Variants in MIIP observed in about 807,000 individuals in gnomAD.
MIIP encodes migration and invasion inhibitory protein.
A neutral mutation model predicts 44.8 loss-of-function variants in MIIP; 44 were observed. The ratio of observed to expected loss-of-function variants is 0.98; its 90% CI spans 0.77 to 1.26. The LOEUF (loss-of-function observed/expected upper bound fraction) is 1.26. Among genes scored for constraint, MIIP ranks in the 50% most tolerant of loss-of-function variants. The pLI, the probability that MIIP is intolerant of heterozygous loss-of-function variation, is 0.00. For missense variants in MIIP, 496 were observed against 511.7 expected, an observed-to-expected ratio of 0.97 and a Z score of 0.30; for synonymous variants, 225 against 218.3, an observed-to-expected ratio of 1.03 and a Z score of -0.27.
chr1:12,029,628 G>T, intron 6 of MIIP, 137 bp from the exon 7 acceptor site: 3 of 1,254,106 alleles, frequency 2.4e-6, no homozygotes, highest in Non-Finnish European at 3.3e-6. Flanking sequence ...GAGGAAAGGG[G>T]TTAGGAGGAA....
At position 12,031,787 on chromosome 1, in the gene MIIP, C is replaced by G. The variant is rs773547396; in HGVS notation, c.1146C>G (p.His382Gln). 1 of 1,613,932 alleles carries G rather than the reference C, an allele frequency of 6.2e-7. No individual in the cohort carries two copies. The highest frequency in any genetic ancestry group is 2.2e-5 in the East Asian group (1 of 44,876). ...TWSVPQVPRPHVPRQKP is the reference protein window; with the variant it reads ...TWSVPQVPRPQVPRQKP ...CAGTGCCCCAGGTCCCTCGGCCCCA[C>G]GTCCCACGGCAGAAGCCCTGAGGAC... The change falls in exon 10 of 10, where the codon CAC becomes CAG. Residue 382 changes from histidine (H) to glutamine (Q), a missense_variant. Coordinates refer to ENST00000235332, the MANE Select transcript of MIIP (RefSeq NM_021933.4).
At chr1:12,022,786 C>A in intron 3 of MIIP, 47 bp from the exon 4 acceptor site, 1 of 1,455,122 alleles carries the variant, frequency 6.9e-7, no homozygotes. Context: ...TTCCTCTGGG[C>A]CAGGCCTCTT....
Position 12,030,072 on chromosome 1 carries a change from A to G in MIIP, c.890A>G (p.His297Arg), listed in dbSNP as rs1190734857. The G allele has an allele frequency of 1.2e-6, 2 of 1,613,438 alleles. No individual in the cohort carries two copies. Among genetic ancestry groups the G allele is most frequent in the Non-Finnish European group, 1.7e-6 (2 of 1,179,934 alleles). The change falls in exon 8 of 10, where the codon CAC (histidine) becomes CGC (arginine). Residue 297 changes from histidine (H) to arginine (R), a missense_variant. Physicochemically the swap from His to Arg is conservative, Grantham distance 29 (BLOSUM62 0). Coordinates refer to ENST00000235332, the MANE Select transcript of MIIP (RefSeq NM_021933.4). Reference sequence around the variant, plus strand: ...ATCCTGGAGCCCCCGCACCGGTACCACATCCACCGGCGAAAGAGCTTTGAC... The same window carrying G: ...ATCCTGGAGCCCCCGCACCGGTACCGCATCCACCGGCGAAAGAGCTTTGAC... ...LSILEPPHRY[H>R]IHRRKSFDAS...
At chr1:12,031,576 C>T (rs1264326875) in intron 9 of MIIP, 146 bp from the exon 10 acceptor site, 3 of 1,597,844 alleles carry the variant, frequency 1.9e-6, no homozygotes, top group Admixed American at 1.7e-5. Flanking sequence ...AGCCATCCCT[C>T]GGAACTCCTC....
rs548482438 is a variant in MIIP, at chr1:12,031,711, T to G, written c.1081-11T>G. ...AGTGGCCCCCCTGAGACTTCCCTATTCCCCATCCAGGCCTCACCAATGCAG... is the reference window on the plus strand; with the variant it reads ...AGTGGCCCCCCTGAGACTTCCCTATGCCCCATCCAGGCCTCACCAATGCAG... On this transcript the variant is annotated splice_polypyrimidine_tract_variant and intron_variant, in intron 9 of 9. Transcript: ENST00000235332. 1.2e-5 allele frequency: 20 copies of G among 1,613,860 alleles called. No individual in the cohort carries two copies. The South Asian group carries it at 2.2e-4, about 18-fold the overall frequency.
At chr1:12,030,556 CT>C (rs71568383) in intron 8 of MIIP, among the ~76,000 whole-genome samples, 42 of 59,078 alleles carry the variant, frequency 7.1e-4, no homozygotes, top group East Asian at 2.1e-3. Context: ...GCTGCTGCTG[CT>C]TTTTTTTTTT....
In MIIP at chr1:12,022,131, A is replaced by G. The variant is rs767762811; in HGVS notation, c.151A>G (p.Thr51Ala). 1 of 1,613,310 alleles carries G rather than the reference A, an allele frequency of 6.2e-7. No individual in the cohort carries two copies. Residue 51 changes from threonine (T) to alanine (A), a missense_variant, in exon 3 of 10, where the codon ACT becomes GCT. Transcript: ENST00000235332. ...ATCCAGCAGCAGCTACAACTCAGAG[A>G]CTCCATCGACCCCAGAGACGTCCTC... The part of the protein sequence containing the change: ...LESSSSYNSE[T>A]PSTPETSSTS...
intron 2 of MIIP, 91 bp downstream of exon 2, chr1:12,021,931 C>T (rs764547530): frequency 4.2e-4 from 525 of 1,252,640 alleles, no homozygotes; most frequent in Non-Finnish European, 5.3e-4. Context: ...TTCAATACAC[C>T]CATTTTACTG....
chr1:12,021,863 C>A, intron 2 of MIIP, 23 bp downstream of exon 2: 2 of 1,567,644 alleles, frequency 1.3e-6, no homozygotes, highest in East Asian at 2.3e-5. Context: ...CTTGGGAACC[C>A]CAGAGGAAGG....
rs1420404103 is a variant in MIIP at position 12,022,343 on chromosome 1, C to G, written c.363C>G (p.Ser121Arg). ...PHSAPSLGTS[S>R]LRDPEPSGRL... ...CAGCACCCTCGCTGGGCACCTCAAG[C>G]CTGAGGGACCCAGAGCCCTCAGGGA... The change falls in exon 3 of 10, where the codon AGC (serine) becomes AGG (arginine). Residue 121 changes from serine (S) to arginine (R), a missense_variant. Ser to Arg is a moderately radical substitution (Grantham distance 110). Transcript: ENST00000235332. 3.7e-6 allele frequency: 6 copies of G among 1,613,694 alleles called. No homozygotes were observed. Among genetic ancestry groups the G allele is most frequent in the African/African-American group, 1.3e-5 (1 of 74,926 alleles).
intron 4 of MIIP, among the ~76,000 whole-genome samples, chr1:12,025,010 T>C (rs1348655189): frequency 6.6e-6 from 1 of 151,472 alleles, no homozygotes; most frequent in Non-Finnish European, 1.5e-5. Flanking sequence ...TGTTGTACTG[T>C]GTGTCAGAAT....
At position 12,021,713 on chromosome 1, in the gene MIIP, G is replaced by A. The variant is rs758345547; in HGVS notation, c.-14G>A. The A allele has an allele frequency of 6.2e-7, 1 of 1,610,942 alleles. No individual in the cohort carries two copies. The highest frequency in any genetic ancestry group is 1.3e-5 in the African/African-American group (1 of 74,990). On this transcript the variant is annotated 5_prime_UTR_variant, in exon 2 of 10. Coordinates refer to ENST00000235332, the MANE Select transcript of MIIP (RefSeq NM_021933.4). ...GGCCCAGGGGCAAGTGACACCTGCTGAGAGAGGCCCAGGATGGTGGAGGCT... is the reference window on the plus strand; with the variant it reads ...GGCCCAGGGGCAAGTGACACCTGCTAAGAGAGGCCCAGGATGGTGGAGGCT...
intron 8 of MIIP, 64 bp from the exon 9 acceptor site, chr1:12,031,202 G>A: frequency 1.3e-6 from 2 of 1,551,904 alleles, no homozygotes; most frequent in Non-Finnish European, 1.7e-6. Flanking sequence ...CCCTGATGGG[G>A]GTGTGCCCAG....
At chr1:12,028,244 G>A (rs1640144771) in intron 4 of MIIP, among the ~76,000 whole-genome samples, 1 of 152,112 alleles carries the variant, frequency 6.6e-6, no homozygotes, top group Non-Finnish European at 1.5e-5. Flanking sequence ...TCGAATCATG[G>A]TAAGTTGGGG....
rs147513513 is a variant in MIIP, at chr1:12,025,028, C to CTTTTTTTTTTTTTTTTTTTTTTTTT, written c.547+2122_547+2123insTTTTTTTTTTTTTTTTTTTTTTTTT. On this transcript the variant is annotated intron_variant, in intron 4 of 9. Transcript: ENST00000235332. ...TGTACTGTGTGTCAGAATTCCCTTCCTTTTTTTTTTTGTTTTTTGTTTTTT... is the reference window on the plus strand; with the variant it reads ...TGTACTGTGTGTCAGAATTCCCTTCCTTTTTTTTTTTTTTTTTTTTTTTTTTTTTTTTTTTTGTTTTTTGTTTTTT... Among the ~76,000 whole-genome samples, 105 of 123,904 alleles carry CTTTTTTTTTTTTTTTTTTTTTTTTT rather than the reference C, an allele frequency of 8.5e-4. 1 individual carries two copies. The highest frequency in any genetic ancestry group is 1.0e-3 in the South Asian group (4 of 3,986). The allele number at this position is 123,904 out of a possible 152,430, so 81.3% of individuals were successfully genotyped here.
chr1:12,020,341 A>G (rs961192147), intron 1 of MIIP, among the ~76,000 whole-genome samples: 1 of 152,174 alleles, frequency 6.6e-6, no homozygotes, highest in Non-Finnish European at 1.5e-5. Flanking sequence ...TTATAAAGCA[A>G]GCTTGTCCAA....
rs1016220754 is a variant in MIIP, at chr1:12,022,842, A to T, written c.472A>T (p.Thr158Ser). The change falls in exon 4 of 10, where the codon ACC becomes TCC. Residue 158 changes from threonine to serine, a missense_variant. Thr to Ser is a moderately conservative substitution (Grantham distance 58). Transcript: ENST00000235332. ...QQSKLSKPRV[T>S]FSEESAVPKR... ...GTGCTTCCTTCCTCAGCCCAGGGTG[A>T]CCTTCTCTGAGGAGTCTGCAGTTCC... 2.5e-6 allele frequency: 4 copies of T among 1,604,558 alleles called. No individual in the cohort carries two copies. In the African/African-American group the frequency reaches 5.4e-5, roughly 21 times the overall value.
Position 12,022,363 on chromosome 1 carries a change from C to T in MIIP, c.383C>T (p.Ser128Leu), listed in dbSNP as rs1639999937. 1 of 1,613,458 alleles carries T rather than the reference C, an allele frequency of 6.2e-7. No homozygotes were observed. The highest frequency in any genetic ancestry group is 1.3e-5 in the African/African-American group (1 of 75,012). The stretch of plus-strand genomic sequence containing the variant: ...TCAAGCCTGAGGGACCCAGAGCCCT[C>T]AGGGAGGCTGGGTGATCCAGGACCC... ...GTSSLRDPEP[S>L]GRLGDPGPQE... Residue 128 changes from serine (S) to leucine (L), a missense_variant, in exon 3 of 10, where the codon TCA becomes TTA. Ser to Leu is a moderately radical substitution (Grantham distance 145). Coordinates refer to ENST00000235332, the MANE Select transcript of MIIP (RefSeq NM_021933.4).
chr1:12,029,844 A>G lies in MIIP; in HGVS notation c.795A>G (p.Thr265=), dbSNP rs1282722190. 5 of 1,613,160 alleles carry G rather than the reference A, an allele frequency of 3.1e-6. No homozygotes were observed. The highest frequency in any genetic ancestry group is 4.2e-6 in the Non-Finnish European group (5 of 1,179,656). The stretch of plus-strand genomic sequence containing the variant: ...GTACCCCCTGCCGCCTGTGCAGGAC[A>G]CCGCGAGACCAGCAGGGCCCTGGGA... The part of the protein sequence containing the change: ...DPGTPCRLCR[T]PRDQQGPGTL... The change falls in exon 7 of 10, where the codon ACA becomes ACG. Residue 265 remains threonine (T), a synonymous_variant. Transcript: ENST00000235332.
Sources: allele counts gnomAD v4.1 joint callset (sites outside exome capture counted in the v4.1 genomes callset), GRCh38; gene constraint gnomAD v4.1.1; transcripts MANE v1.5; gene names NCBI Gene and HGNC (gene_info 2026-07-23, HGNC 2026-07-21).